The following MYH16 variants were observed in gnomAD, a reference collection of about 807,000 sequenced individuals.
The protein encoded by MYH16 is myosin heavy chain 16.
At chr7:99,299,927 T>TTTATTTA (rs1554339990) in intron 37 of MYH16, among the ~76,000 whole-genome samples, 1 of 138,182 alleles carries the variant, frequency 7.2e-6, no homozygotes, top group African/African-American at 2.7e-5. Context: ...TTTTATTTTA[T>TTTATTTA]TTTATTTATT....
rs530181441 is a variant in MYH16 at position 99,274,956 on chromosome 7, T to A, written n.2485+1533T>A. Among the ~76,000 whole-genome samples the A allele has an allele frequency of 2.4e-4, 36 of 151,708 alleles. No individual in the cohort carries two copies. The South Asian group carries it at 7.3e-3, about 31-fold the overall frequency. On this transcript the variant is annotated intron_variant and non_coding_transcript_variant, in intron 20 of 41. Transcript: ENST00000439784. ...CCCAAAGTGCTGCTGGGATTATAGA[T>A]GTGAGTCATTGCACCTGGCCTCGCT...
chr7:99,310,811 G>T (rs915561289), downstream of MYH16: 10 of 152,218 alleles, frequency 6.6e-5, no homozygotes, highest in Non-Finnish European at 1.3e-4. Context: ...TCTGTCCTGA[G>T]AATGTTTACT....
chr7:99,249,798 C>T (rs1213786568), intron 4 of MYH16, among the ~76,000 whole-genome samples: 2 of 151,892 alleles, frequency 1.3e-5, no homozygotes, highest in Non-Finnish European at 2.9e-5. Context: ...CTCAGGTGAT[C>T]CGCCCACCTT....
downstream of MYH16, among the ~76,000 whole-genome samples, chr7:99,307,284 A>T (rs2150841318): frequency 6.6e-6 from 1 of 152,346 alleles, no homozygotes; most frequent in Non-Finnish European, 1.5e-5. Flanking sequence ...GGTCTCTAAC[A>T]CTAAGAAAAT....
chr7:99,268,262 A>G (rs1792006542), intron 18 of MYH16, among the ~76,000 whole-genome samples: 1 of 152,178 alleles, frequency 6.6e-6, no homozygotes. Flanking sequence ...AGACAGGATC[A>G]TGGAATAATT....
chr7:99,292,353 C>G (rs770391861), exon 32 of MYH16: 17 of 456,712 alleles, frequency 3.7e-5, no homozygotes, highest in Non-Finnish European at 6.6e-5. Flanking sequence ...ACACCAAGCA[C>G]GACCTGGACC....
At chr7:99,294,525 G>GAAAAAAA (rs1296367878) in intron 33 of MYH16, among the ~76,000 whole-genome samples, 1 of 84,314 alleles carries the variant, frequency 1.2e-5, no homozygotes, top group African/African-American at 5.5e-5. Context: ...AAAAAAAAAA[G>GAAAAAAA]AAAAAGAAAA....
intron 20 of MYH16, among the ~76,000 whole-genome samples, chr7:99,273,963 C>T (rs143763835): frequency 1.3e-5 from 2 of 152,240 alleles, no homozygotes; most frequent in African/African-American, 4.8e-5. Context: ...CCATCTCATC[C>T]CTCAAAATAA....
intron 32 of MYH16, 100 bp downstream of exon 13, chr7:99,292,608 C>T (rs1187731830): frequency 2.5e-6 from 1 of 403,422 alleles, no homozygotes; most frequent in Non-Finnish European, 5.0e-6. Context: ...GGGCCAAGCC[C>T]AGGAAAAGGA....
rs61742315 is a variant in MYH16 at position 99,283,878 on chromosome 7, G to C, written n.3085G>C. On this transcript the variant is annotated non_coding_transcript_exon_variant, in exon 25 of 42. Coordinates refer to ENST00000439784, the Ensembl canonical transcript of MYH16. ...TGCTGTTCTTGTCTCTGTAGCTGGA[G>C]GATAACTGGGAGCAGGAAAAGAAAA... The C allele has an allele frequency of 2.6e-3, 1,186 of 455,856 alleles. 16 individuals carry two copies. The highest frequency in any genetic ancestry group is 0.022 in the African/African-American group (1,110 of 50,140). 28.2% of individuals were successfully genotyped at this position (455,856 alleles called of 1,614,324 possible).
At chr7:99,302,332 A>ACC in intron 38 of MYH16, among the ~76,000 whole-genome samples, 1 of 144,484 alleles carries the variant, frequency 6.9e-6, no homozygotes, top group African/African-American at 2.7e-5. Flanking sequence ...ACACACACAC[A>ACC]CACACACACA....
exon 11 of MYH16, chr7:99,258,138 C>T (rs1299988191): frequency 3.3e-5 from 5 of 152,598 alleles, no homozygotes; most frequent in Non-Finnish European, 7.3e-5. Flanking sequence ...ACAAAGTCGC[C>T]CATCTCATGG....
At chr7:99,290,486 C>CAAAAAAA (rs57166125) in intron 30 of MYH16, among the ~76,000 whole-genome samples, 1 of 55,552 alleles carries the variant, frequency 1.8e-5, no homozygotes, top group African/African-American at 5.8e-5. Flanking sequence ...GACCCTGTCT[C>CAAAAAAA]AAAAAAAAAA....
chr7:99,252,540 T>C (rs1584341931), intron 6 of MYH16: 1 of 152,422 alleles, frequency 6.6e-6, no homozygotes, highest in Middle Eastern at 3.4e-3. Flanking sequence ...CAAATTCCCA[T>C]GGTGCCTGGT....
chr7:99,294,500 C>CAAAAAAAAAAAAAAAAAA (rs1159682450), intron 33 of MYH16, among the ~76,000 whole-genome samples: 2 of 25,566 alleles, frequency 7.8e-5, no homozygotes, highest in African/African-American at 1.0e-4. Flanking sequence ...GACCCTGTCT[C>CAAAAAAAAAAAAAAAAAA]AAAAAAAAAA....
In MYH16 at chr7:99,285,444, T is replaced by C. The variant is rs1220279205; in HGVS notation, n.3373+6T>C. 1 of 456,678 alleles carries C rather than the reference T, an allele frequency of 2.2e-6. No homozygotes were observed. Among genetic ancestry groups the C allele is most frequent in the South Asian group, 1.5e-5 (1 of 64,574 alleles). The allele number at this position is 456,678 out of a possible 1,614,324, so 28.3% of individuals were successfully genotyped here. On this transcript the variant is annotated splice_donor_region_variant and intron_variant and non_coding_transcript_variant, in intron 27 of 41. Transcript: ENST00000439784. ...AGAGGGCCATGAGAGCCAAGGTAAATGAAATACGTTTCCCCTTCTTGAGTC... is the reference window on the plus strand; with the variant it reads ...AGAGGGCCATGAGAGCCAAGGTAAACGAAATACGTTTCCCCTTCTTGAGTC...
At chr7:99,249,961 C>CT in intron 4 of MYH16, 1 of 153,102 alleles carries the variant, frequency 6.5e-6, no homozygotes, top group Non-Finnish European at 1.5e-5. Flanking sequence ...CTCCTGTCCA[C>CT]TTTTTTTCTA....
At chr7:99,286,766 C>G (rs1011967263) in intron 28 of MYH16, among the ~76,000 whole-genome samples, 2 of 151,248 alleles carry the variant, frequency 1.3e-5, no homozygotes, top group African/African-American at 4.9e-5. Context: ...TCTGACCAGC[C>G]TGGGCAACAC....
downstream of MYH16, among the ~76,000 whole-genome samples, chr7:99,310,484 T>C (rs957024959): frequency 6.6e-6 from 1 of 152,224 alleles, no homozygotes; most frequent in African/African-American, 2.4e-5. Flanking sequence ...GGCACTGCAC[T>C]CTGAGCCCAC....
Sources: allele counts gnomAD v4.1 joint callset (sites outside exome capture counted in the v4.1 genomes callset), GRCh38; gene constraint gnomAD v4.1.1; transcripts MANE v1.5; gene names NCBI Gene and HGNC (gene_info 2026-07-23, HGNC 2026-07-21).